Variants in ITIH5 observed in about 807,000 individuals in gnomAD.
The protein encoded by ITIH5 is inter-alpha-trypsin inhibitor heavy chain H5.
ITIH5 carries 65 observed loss-of-function variants against 77.5 expected under a neutral mutation model. The observed-to-expected ratio is 0.84, with a 90% confidence interval of 0.69 to 1.03. The LOEUF is 1.03. Among genes scored for constraint, ITIH5 ranks in the 50% least tolerant of loss-of-function variants. The pLI is 0.00. For synonymous variants in ITIH5, 525 were observed against 494.3 expected, an observed-to-expected ratio of 1.06 and a Z score of -0.82; for missense variants, 1,208 against 1,213.1, an observed-to-expected ratio of 1.00 and a Z score of 0.06.
chr10:7,563,338 C>A lies in ITIH5; in HGVS notation c.2574G>T (p.Gly858=). 1 of 1,614,158 alleles carries A rather than the reference C, an allele frequency of 6.2e-7. No homozygotes were observed. The change falls in exon 14 of 14, where the codon GGG becomes GGT. Residue 858 remains glycine, a synonymous_variant. Transcript: ENST00000397146. The part of the protein sequence containing the change: ...QDARLTEDPA[G]PSQNLTHPLL... ...GAGGGTGAGTGAGGTTCTGGCTGGG[C>A]CCTGCAGGGTCTTCTGTGAGTCTGG...
chr10:7,635,365 G>A (rs1833782574), intron 5 of ITIH5, among the ~76,000 whole-genome samples: 2 of 152,144 alleles, frequency 1.3e-5, no homozygotes, highest in Admixed American at 1.3e-4. Context: ...TCCCAGATGT[G>A]CAAGCCAAGT....
At chr10:7,605,524 A>C (rs1833105346) in intron 7 of ITIH5, among the ~76,000 whole-genome samples, 1 of 83,108 alleles carries the variant, frequency 1.2e-5, no homozygotes, top group Non-Finnish European at 2.4e-5. Context: ...TGTGTCCCCC[A>C]TACCTAGCAC....
Position 7,641,991 on chromosome 10 carries a change from C to T in ITIH5, c.235G>A (p.Glu79Lys). 6.2e-7 allele frequency: 1 copy of T among 1,614,158 alleles called. No homozygotes were observed. The highest frequency in any genetic ancestry group is 8.5e-7 in the Non-Finnish European group (1 of 1,179,998). ...ATCTGGAACTCAATGTCCTGGTCTT[C>T]AGAAGCTCTGTTCAGCATTCTGCAG... ...VSCRMLNRAS[E>K]DQDIEFQMQI... Residue 79 changes from glutamate (E) to lysine (K), a missense_variant, in exon 3 of 14, where the codon GAA becomes AAA. Physicochemically the swap from Glu to Lys is moderately conservative, Grantham distance 56. Transcript: ENST00000397146.
chr10:7,566,238 G>C lies in ITIH5; in HGVS notation c.2319C>G (p.Leu773=). The change falls in exon 13 of 14, where the codon CTC becomes CTG. Residue 773 remains leucine (L), a synonymous_variant. Transcript: ENST00000397146. The part of the protein sequence containing the change: ...VILDGGDRLV[L]PCNQSVVVGS... ...CCACCACCACACTCTGGTTGCAGGG[G>C]AGCACCAGTCTGTCCCCACCATCCA... 1.2e-6 allele frequency: 2 copies of C among 1,613,568 alleles called. No homozygotes were observed. The highest frequency in any genetic ancestry group is 1.7e-6 in the Non-Finnish European group (2 of 1,179,750).
chr10:7,654,004 A>G (rs1290960589), intron 2 of ITIH5, among the ~76,000 whole-genome samples: 1 of 152,228 alleles, frequency 6.6e-6, no homozygotes, highest in African/African-American at 2.4e-5. Flanking sequence ...AAAAAATAGA[A>G]AAATTAGCCA....
chr10:7,602,453 G>A (rs966778960), intron 7 of ITIH5, among the ~76,000 whole-genome samples: 15 of 152,132 alleles, frequency 9.9e-5, no homozygotes, highest in African/African-American at 2.7e-4. Context: ...TCATGGAGGC[G>A]GTTTCCCCCA....
intron 5 of ITIH5, among the ~76,000 whole-genome samples, chr10:7,624,835 A>G (rs796229136): frequency 9.6e-4 from 124 of 129,468 alleles, no homozygotes; most frequent in Non-Finnish European, 1.2e-3. Flanking sequence ...GTGTATATAC[A>G]TGTATATACA....
intron 5 of ITIH5, chr10:7,618,458 GAATT>G (rs1449154259): frequency 6.6e-6 from 1 of 152,128 alleles, no homozygotes; most frequent in Non-Finnish European, 1.5e-5. Context: ...AGAACACAGA[GAATT>G]ATTTAGCAAA....
At chr10:7,647,604 TAG>T (rs1834027549) in intron 2 of ITIH5, among the ~76,000 whole-genome samples, 1 of 152,228 alleles carries the variant, frequency 6.6e-6, no homozygotes, top group South Asian at 2.1e-4. Flanking sequence ...CTAGTCTCTG[TAG>T]ACATTCGAGT....
chr10:7,655,567 C>G, intron 2 of ITIH5, 64 bp downstream of exon 2: 2 of 1,340,156 alleles, frequency 1.5e-6, no homozygotes, highest in Non-Finnish European at 2.1e-6. Flanking sequence ...AAGTGGATAC[C>G]TGGTTCAAAA....
At chr10:7,603,366 G>A (rs945917685) in intron 7 of ITIH5, among the ~76,000 whole-genome samples, 5 of 152,096 alleles carry the variant, frequency 3.3e-5, no homozygotes, top group East Asian at 1.9e-4. Flanking sequence ...ACAGGAAGCC[G>A]ACTAGTAGTA....
intron 3 of ITIH5, 137 bp from the exon 4 acceptor site, chr10:7,640,992 G>C (rs1369636892): frequency 4.2e-6 from 3 of 716,334 alleles, no homozygotes; most frequent in Non-Finnish European, 7.5e-6. Context: ...TTCCAGACTA[G>C]GGCACTACCT....
intron 7 of ITIH5, among the ~76,000 whole-genome samples, chr10:7,599,040 T>C (rs1832963483): frequency 6.6e-6 from 1 of 152,260 alleles, no homozygotes; most frequent in Admixed American, 6.5e-5. Context: ...ATTTACCTAA[T>C]CATGTCATTG....
intron 7 of ITIH5, among the ~76,000 whole-genome samples, chr10:7,594,498 G>C (rs769368762): frequency 6.6e-6 from 1 of 152,166 alleles, no homozygotes; most frequent in South Asian, 2.1e-4. Flanking sequence ...ATGACCACAG[G>C]GGGCTGTGGA....
chr10:7,577,195 T>C (rs957373071), intron 9 of ITIH5, among the ~76,000 whole-genome samples, 183 bp from the exon 10 acceptor site: 1 of 152,144 alleles, frequency 6.6e-6, no homozygotes, highest in Non-Finnish European at 1.5e-5. Flanking sequence ...TTGAACACCA[T>C]TGGTGAGAGG....
chr10:7,575,524 C>T (rs984863224), intron 10 of ITIH5, among the ~76,000 whole-genome samples: 14 of 152,266 alleles, frequency 9.2e-5, no homozygotes, highest in South Asian at 6.2e-4. Flanking sequence ...ATTTTCCACA[C>T]GCAGATCTGC....
chr10:7,574,610 G>A (rs376016399), intron 10 of ITIH5, among the ~76,000 whole-genome samples: 9 of 151,978 alleles, frequency 5.9e-5, no homozygotes, highest in African/African-American at 2.2e-4. Context: ...TGGCTAACAC[G>A]GTGAAACCCC....
Position 7,566,299 on chromosome 10 carries a change from C to A in ITIH5, c.2258G>T (p.Arg753Ile), listed in dbSNP as rs1193901416. The A allele has an allele frequency of 6.2e-7, 1 of 1,613,924 alleles. No homozygotes were observed. The highest frequency in any genetic ancestry group is 8.5e-7 in the Non-Finnish European group (1 of 1,179,950). ...TITILINKPERSYLEITPSRV... is the reference protein window; with the variant it reads ...TITILINKPEISYLEITPSRV... The stretch of plus-strand genomic sequence containing the variant: ...GCTCGGTGTGATCTCGAGATAAGAT[C>A]TCTCTGGCTTGTTGATGAGGATGGT... Residue 753 changes from arginine (R) to isoleucine (I), a missense_variant, in exon 13 of 14, where the codon AGA (arginine) becomes ATA (isoleucine). Arg to Ile is a moderately conservative substitution (Grantham distance 97). Coordinates refer to ENST00000397146, the MANE Select transcript of ITIH5 (RefSeq NM_030569.7).
At position 7,579,778 on chromosome 10, in the gene ITIH5, C is replaced by T. The variant is rs753881180; in HGVS notation, c.1395G>A (p.Glu465=). 2 of 1,613,738 alleles carry T rather than the reference C, an allele frequency of 1.2e-6. No individual in the cohort carries two copies. The highest frequency in any genetic ancestry group is 1.1e-5 in the South Asian group (1 of 91,088). The change falls in exon 9 of 14, where the codon GAG becomes GAA. Residue 465 remains glutamate, a synonymous_variant. Coordinates refer to ENST00000397146, the MANE Select transcript of ITIH5 (RefSeq NM_030569.7). ...CGLTRRVHEE[E]DAGSQLIGFY... Reference sequence around the variant, plus strand: ...ACCCGATGAGCTGCGAGCCTGCGTCCTCCTCCTCGTGCACGCGCCGTGTGA... The same window carrying T: ...ACCCGATGAGCTGCGAGCCTGCGTCTTCCTCCTCGTGCACGCGCCGTGTGA...
Sources: gnomAD v4.1 joint callset for allele counts (sites outside exome capture counted in the v4.1 genomes callset) on GRCh38, gnomAD v4.1.1 for gene constraint, MANE v1.5 for transcripts, NCBI Gene and HGNC (gene_info 2026-07-23, HGNC 2026-07-21) for gene names.